The following VPS13B variants were observed in gnomAD, a reference collection of about 807,000 sequenced individuals.
VPS13B encodes intermembrane lipid transfer protein VPS13B.
A neutral mutation model predicts 426.4 loss-of-function variants in VPS13B; 285 were observed. The observed-to-expected ratio is 0.67, with a 90% CI of 0.61 to 0.74. VPS13B has a LOEUF of 0.74. Among genes scored for constraint, VPS13B ranks in the 30% least tolerant of loss-of-function variants. VPS13B has a pLI of 0.00. For synonymous variants in VPS13B, 1,676 were observed against 1,676.4 expected, an observed-to-expected ratio of 1.00 and a Z score of 0.01; for missense variants, 4,537 against 4,782.6, an observed-to-expected ratio of 0.95 and a Z score of 1.51.
chr8:99,683,393 T>C (rs1208182053), intron 35 of VPS13B, among the ~76,000 whole-genome samples: 6 of 143,470 alleles, frequency 4.2e-5, no homozygotes, highest in African/African-American at 1.5e-4. Flanking sequence ...TAAATATTTC[T>C]GGGATTATTG....
chr8:99,630,019 A>G lies in VPS13B; in HGVS notation c.5221-11792A>G, dbSNP rs192412596. On this transcript the variant is annotated intron_variant, in intron 33 of 61. Transcript: ENST00000357162. Reference sequence around the variant, plus strand: ...CGGTGTTTCTGAAACATTAACGTGCATAAGAATTACTGGGAGTTCATTGTA... The same window carrying G: ...CGGTGTTTCTGAAACATTAACGTGCGTAAGAATTACTGGGAGTTCATTGTA... Among the ~76,000 whole-genome samples the G allele has an allele frequency of 1.1e-3, 170 of 152,328 alleles. 1 individual carries two copies. The highest frequency in any genetic ancestry group is 2.9e-3 in the African/African-American group (121 of 41,592).
At chr8:99,510,701 G>A (rs973361181) in intron 28 of VPS13B, among the ~76,000 whole-genome samples, 1 of 152,076 alleles carries the variant, frequency 6.6e-6, no homozygotes. Flanking sequence ...GAGTAGAGAC[G>A]GGATTTCACC....
chr8:99,046,613 T>C (rs1310359926), intron 3 of VPS13B, among the ~76,000 whole-genome samples: 2 of 152,180 alleles, frequency 1.3e-5, no homozygotes, highest in Admixed American at 1.3e-4. Context: ...GTGGGCCTCC[T>C]TGTCTTGTCT....
chr8:99,425,167 A>T lies in VPS13B; in HGVS notation c.3083-6370A>T, dbSNP rs530579593. On this transcript the variant is annotated intron_variant, in intron 21 of 61. Coordinates refer to ENST00000357162, the MANE Select transcript of VPS13B (RefSeq NM_152564.5). ...ATGAGCTGGTACCATTCCTTCTGAA[A>T]CTATTCCAATCAATAGAAAAAGAGG... is the stretch of plus-strand genomic sequence containing the variant. Among the ~76,000 whole-genome samples the T allele has an allele frequency of 2.6e-5, 4 of 152,324 alleles. No homozygotes were observed. In the East Asian group the frequency reaches 7.7e-4, roughly 29 times the overall value.
At chr8:99,416,256 G>T (rs554029768) in intron 21 of VPS13B, among the ~76,000 whole-genome samples, 1 of 152,238 alleles carries the variant, frequency 6.6e-6, no homozygotes, top group East Asian at 1.9e-4. Flanking sequence ...AAGGGTGGAT[G>T]CCCCCGCCCC....
At chr8:99,793,801 C>A (rs1209669379) in intron 43 of VPS13B, among the ~76,000 whole-genome samples, 2 of 152,166 alleles carry the variant, frequency 1.3e-5, no homozygotes, top group African/African-American at 2.4e-5. Context: ...AGAAAAAGCA[C>A]AAATTTGAAG....
At chr8:99,570,358 G>A (rs964463864) in intron 31 of VPS13B, among the ~76,000 whole-genome samples, 45 of 151,382 alleles carry the variant, frequency 3.0e-4, no homozygotes, top group African/African-American at 6.5e-4. Flanking sequence ...ATGTCTCTTC[G>A]TTTTCCTTTT....
chr8:99,635,931 T>C (rs1470815547), intron 33 of VPS13B, among the ~76,000 whole-genome samples: 1 of 152,000 alleles, frequency 6.6e-6, no homozygotes. Context: ...AACTTACCTA[T>C]CTTAATACAT....
intron 3 of VPS13B, among the ~76,000 whole-genome samples, chr8:99,052,584 T>A (rs1398142913): frequency 1.4e-5 from 2 of 140,734 alleles, no homozygotes; most frequent in Non-Finnish European, 3.1e-5. Flanking sequence ...TTCTATTGAT[T>A]GAAATAATTT....
At chr8:99,871,375 TA>T in intron 60 of VPS13B, 72 bp from the exon 61 acceptor site, 1 of 1,610,154 alleles carries the variant, frequency 6.2e-7, no homozygotes. Context: ...GCCCCATTGG[TA>T]AATAATGAGC....
intron 17 of VPS13B, among the ~76,000 whole-genome samples, chr8:99,270,916 G>A (rs1177080456): frequency 6.6e-6 from 1 of 152,100 alleles, no homozygotes; most frequent in Non-Finnish European, 1.5e-5. Flanking sequence ...AAATAGAGTA[G>A]CTCAGCATCC....
chr8:99,092,863 A>G (rs1346336808), intron 3 of VPS13B, among the ~76,000 whole-genome samples: 1 of 151,990 alleles, frequency 6.6e-6, no homozygotes, highest in Admixed American at 6.6e-5. Flanking sequence ...AATTTTGTTT[A>G]GGCAAATAAA....
At chr8:99,425,937 T>G (rs1012779329) in intron 21 of VPS13B, among the ~76,000 whole-genome samples, 1 of 152,112 alleles carries the variant, frequency 6.6e-6, no homozygotes, top group Admixed American at 6.6e-5. Flanking sequence ...ATACTTTAAG[T>G]TTTAGGGTAC....
intron 34 of VPS13B, among the ~76,000 whole-genome samples, chr8:99,658,784 T>C (rs1392023636): frequency 6.6e-6 from 1 of 151,722 alleles, no homozygotes; most frequent in African/African-American, 2.4e-5. Context: ...CATTATCGGG[T>C]GTTGTTTTTT....
At chr8:99,226,738 T>C (rs1471245818) in intron 17 of VPS13B, among the ~76,000 whole-genome samples, 1 of 152,188 alleles carries the variant, frequency 6.6e-6, no homozygotes, top group Non-Finnish European at 1.5e-5. Context: ...ATTTTCTCTG[T>C]GTAAAGAAAT....
At chr8:99,706,946 G>A (rs1832522181) in intron 36 of VPS13B, among the ~76,000 whole-genome samples, 1 of 152,142 alleles carries the variant, frequency 6.6e-6, no homozygotes, top group Non-Finnish European at 1.5e-5. Flanking sequence ...ATATAAGCCA[G>A]TAGGCTGTTT....
intron 33 of VPS13B, among the ~76,000 whole-genome samples, chr8:99,612,520 T>C (rs72674687): frequency 0.14 from 20,868 of 152,134 alleles, 1,988 homozygotes; most frequent in East Asian, 0.39. Context: ...GCCAGAGTAA[T>C]TATCCTAAGG....
rs1053846127 is a variant in VPS13B at position 99,390,346 on chromosome 8, G to A, written c.2935-1211G>A. Among the ~76,000 whole-genome samples, 10 of 151,860 alleles carry A rather than the reference G, an allele frequency of 6.6e-5. No individual in the cohort carries two copies. The South Asian group carries it at 8.3e-4, about 13-fold the overall frequency. On this transcript the variant is annotated intron_variant, in intron 20 of 61. Coordinates refer to ENST00000357162, the MANE Select transcript of VPS13B (RefSeq NM_152564.5). ...TCTCGATCTCCTGACCTTGTGATCC[G>A]TCCGCCTCAGCCTCCCAAGTGCTGG...
chr8:99,863,357 C>T (rs1259811484), intron 58 of VPS13B, among the ~76,000 whole-genome samples: 1 of 152,104 alleles, frequency 6.6e-6, no homozygotes, highest in Non-Finnish European at 1.5e-5. Flanking sequence ...GAGGAAGTGA[C>T]AATGAGGTTA....
Sources: allele counts gnomAD v4.1 joint callset (sites outside exome capture counted in the v4.1 genomes callset), GRCh38; gene constraint gnomAD v4.1.1; transcripts MANE v1.5; gene names NCBI Gene and HGNC (gene_info 2026-07-23, HGNC 2026-07-21).